Variants in PREX1 observed in about 807,000 individuals in gnomAD.
PREX1 encodes phosphatidylinositol 3,4,5-trisphosphate-dependent Rac exchanger 1 protein.
In PREX1, 41 loss-of-function variants were observed where a neutral mutation model predicts 198.3. The ratio of observed to expected loss-of-function variants is 0.21; its 90% CI spans 0.16 to 0.27. PREX1 has a LOEUF of 0.27. PREX1 is among the 10% of genes least tolerant of loss of function. The probability of loss-of-function intolerance (pLI) is 1.00; values close to 1 mark genes in which losing one functional copy is unlikely to be tolerated. For missense variants in PREX1, 1,620 were observed against 2,200.7 expected (o/e 0.74, Z 5.28); for synonymous variants, 843 against 887.2 (o/e 0.95, Z 0.89).
chr20:48,865,777 G>A, the PREX1 span, among the ~76,000 whole-genome samples: 10 of 152,128 alleles, frequency 6.6e-5, no homozygotes, highest in Non-Finnish European at 1.2e-4. Flanking sequence ...TGCCTAGGAC[G>A]TAGGAAATGG....
chr20:48,778,404 T>A (rs1345034421), intron 1 of PREX1, among the ~76,000 whole-genome samples: 1 of 145,918 alleles, frequency 6.9e-6, no homozygotes, highest in African/African-American at 2.5e-5. Context: ...TGAAATCCCG[T>A]CTCTACTAAA....
In PREX1 at chr20:48,636,494, T is replaced by C. The variant is rs1353790232; in HGVS notation, c.4136A>G (p.His1379Arg). The stretch of plus-strand genomic sequence containing the variant: ...GGCTGGCGAGAGCAGGGACTGGCAG[T>C]GCAGCAGGACGCCCGTGGCCGCCAC... ...EQVAATGVLL[H>R]CQSLLSPATV... The change falls in exon 32 of 40, where the codon CAC becomes CGC. Residue 1379 changes from histidine (H) to arginine (R), a missense_variant. Physicochemically the swap from His to Arg is conservative, Grantham distance 29 (BLOSUM62 0). Coordinates refer to ENST00000371941, the MANE Select transcript of PREX1 (RefSeq NM_020820.4). 2.5e-6 allele frequency: 4 copies of C among 1,608,556 alleles called. No homozygotes were observed. The highest frequency in any genetic ancestry group is 3.4e-6 in the Non-Finnish European group (4 of 1,179,332).
At position 48,663,380 on chromosome 20, in the gene PREX1, G is replaced by C. The variant is rs372426577; in HGVS notation, c.1738+2903C>G. Among the ~76,000 whole-genome samples, 16 of 152,296 alleles carry C rather than the reference G, an allele frequency of 1.1e-4. No homozygotes were observed. In the East Asian group the frequency reaches 3.1e-3, roughly 29 times the overall value. Reference sequence around the variant, plus strand: ...ACCAGGGCTCAACAAACTATGGCCCGGCTGGGTGTGGTGGCGCATGCCTGT... The same window carrying C: ...ACCAGGGCTCAACAAACTATGGCCCCGCTGGGTGTGGTGGCGCATGCCTGT... On this transcript the variant is annotated intron_variant, in intron 15 of 39. Coordinates refer to ENST00000371941, the MANE Select transcript of PREX1 (RefSeq NM_020820.4).
chr20:48,760,548 G>T (rs2090174815), intron 1 of PREX1, among the ~76,000 whole-genome samples: 1 of 152,098 alleles, frequency 6.6e-6, no homozygotes, highest in African/African-American at 2.4e-5. Flanking sequence ...AGGGGGGGAG[G>T]AGTAGTTGTT....
chr20:48,725,625 T>G (rs772882381), intron 5 of PREX1, among the ~76,000 whole-genome samples: 3 of 152,248 alleles, frequency 2.0e-5, no homozygotes, highest in Admixed American at 6.5e-5. Flanking sequence ...CTGTCCTCAC[T>G]CATGGCCTGT....
chr20:48,887,415 G>A, the PREX1 span, among the ~76,000 whole-genome samples: 13 of 151,952 alleles, frequency 8.6e-5, 1 homozygote, highest in South Asian at 2.7e-3. Flanking sequence ...TGGCCAACAT[G>A]GTTGACTCAG....
chr20:48,679,635 G>A lies in PREX1; in HGVS notation c.1539+16C>T. 2 of 1,584,002 alleles carry A rather than the reference G, an allele frequency of 1.3e-6. No individual in the cohort carries two copies. The highest frequency in any genetic ancestry group is 1.7e-6 in the Non-Finnish European group (2 of 1,152,730). On this transcript the variant is annotated intron_variant, in intron 12 of 39. Coordinates refer to ENST00000371941, the MANE Select transcript of PREX1 (RefSeq NM_020820.4). ...AGGCCAGCTGAGTCAGAGTCACAGGGGCGGAGGGCCCCTACCTTGGACATG... is the reference window on the plus strand; with the variant it reads ...AGGCCAGCTGAGTCAGAGTCACAGGAGCGGAGGGCCCCTACCTTGGACATG...
At chr20:48,862,807 A>ATGTGTGTG in the PREX1 span, among the ~76,000 whole-genome samples, 29 of 126,692 alleles carry the variant, frequency 2.3e-4, no homozygotes, top group African/African-American at 3.5e-4. Context: ...ATATATATAT[A>ATGTGTGTG]TATATACTAA....
the PREX1 span, among the ~76,000 whole-genome samples, chr20:48,860,444 G>A: frequency 6.6e-6 from 1 of 152,320 alleles, no homozygotes; most frequent in Admixed American, 6.5e-5. Context: ...GGAGCTGGAC[G>A]GTGGCGAAGG....
At chr20:48,760,082 A>G (rs1226794787) in intron 1 of PREX1, among the ~76,000 whole-genome samples, 2 of 151,980 alleles carry the variant, frequency 1.3e-5, no homozygotes, top group East Asian at 3.9e-4. Flanking sequence ...ACTGCACTTC[A>G]GCCTGGATGA....
the PREX1 span, among the ~76,000 whole-genome samples, chr20:48,852,288 ACAGATCCCTAGGCCCACC>A: frequency 6.6e-6 from 1 of 152,160 alleles, no homozygotes; most frequent in East Asian, 1.9e-4. Context: ...TATATAAAAC[ACAGATCCCTAGGCCCACC>A]CAGACCCACC....
At chr20:48,865,156 C>A in the PREX1 span, among the ~76,000 whole-genome samples, 5 of 152,074 alleles carry the variant, frequency 3.3e-5, no homozygotes, top group Non-Finnish European at 7.4e-5. Context: ...TCCCATACAC[C>A]CCTGGGGAGT....
chr20:48,642,060 A>G (rs1224543539), intron 29 of PREX1, 108 bp downstream of exon 29: 3 of 1,135,490 alleles, frequency 2.6e-6, no homozygotes, highest in Non-Finnish European at 3.9e-6. Context: ...ATGATCCTAC[A>G]GTCGTTCAGC....
intron 5 of PREX1, among the ~76,000 whole-genome samples, chr20:48,719,308 C>G (rs1019262315): frequency 1.3e-5 from 2 of 152,284 alleles, no homozygotes; most frequent in East Asian, 1.9e-4. Context: ...GCAGGACCCC[C>G]CCCCCAACTC....
chr20:48,752,459 G>A (rs1601114310), intron 1 of PREX1, among the ~76,000 whole-genome samples: 1 of 152,254 alleles, frequency 6.6e-6, no homozygotes, highest in Non-Finnish European at 1.5e-5. Flanking sequence ...ACCACATCGA[G>A]CTGCCAGCAC....
At chr20:48,877,256 A>G in the PREX1 span, among the ~76,000 whole-genome samples, 1 of 151,464 alleles carries the variant, frequency 6.6e-6, no homozygotes, top group Admixed American at 6.6e-5. Flanking sequence ...GGTCAACAAG[A>G]GCGAAACTCC....
rs756453650 is a variant in PREX1 at position 48,653,409 on chromosome 20, C to T, written c.2298G>A (p.Glu766=). ...GGAATGCCTGGAAGTGCTCCAGGAC[C>T]TCAGGGGCACCATCGTTCATCACGT... is the stretch of plus-strand genomic sequence containing the variant. The part of the protein sequence containing the change: ...GSNVMNDGAP[E]VLEHFQAFRS... The change falls in exon 20 of 40, where the codon GAG becomes GAA. Residue 766 remains glutamate (E), a synonymous_variant. Transcript: ENST00000371941. 1.9e-6 allele frequency: 3 copies of T among 1,614,040 alleles called. No individual in the cohort carries two copies. The highest frequency in any genetic ancestry group is 2.2e-5 in the South Asian group (2 of 91,088).
intron 4 of PREX1, among the ~76,000 whole-genome samples, chr20:48,732,699 T>C (rs984883761): frequency 4.6e-5 from 7 of 152,212 alleles, no homozygotes; most frequent in Non-Finnish European, 1.0e-4. Context: ...ATCACATTTC[T>C]AGCTGGGCAC....
At chr20:48,828,590 C>T (rs559985069), upstream of PREX1, among the ~76,000 whole-genome samples, 51 of 152,186 alleles carry the variant, frequency 3.4e-4, no homozygotes, top group Non-Finnish European at 6.6e-4. Flanking sequence ...CGGGCCCTCG[C>T]GGTGCCCTCG....
Sources: gnomAD v4.1 joint callset for allele counts (sites outside exome capture counted in the v4.1 genomes callset) on GRCh38, gnomAD v4.1.1 for gene constraint, MANE v1.5 for transcripts, NCBI Gene and HGNC (gene_info 2026-07-23, HGNC 2026-07-21) for gene names.